Variants in RTF2 observed in about 807,000 individuals in gnomAD.
The protein encoded by RTF2 is UPF0549 protein C20orf43.
Under a neutral mutation model 38.0 loss-of-function variants are expected in RTF2, and 18 were observed. The ratio of observed to expected loss-of-function variants is 0.47; its 90% CI spans 0.33 to 0.70. The LOEUF (loss-of-function observed/expected upper bound fraction) is 0.70, where lower values mean the gene tolerates loss of function less well. RTF2 is among the 30% of genes least tolerant of loss of function. The pLI is 0.02. For synonymous variants in RTF2, 126 were observed against 137.1 expected, an observed-to-expected ratio of 0.92 and a Z score of 0.57; for missense variants, 311 against 379.6, an observed-to-expected ratio of 0.82 and a Z score of 1.50.
At chr20:56,484,299 C>T (rs887920530) in intron 5 of RTF2, 110 bp downstream of exon 5, 1 of 921,148 alleles carries the variant, frequency 1.1e-6, no homozygotes, top group African/African-American at 1.6e-5. Context: ...TCATAAGTTG[C>T]TTTTCTGCTT....
At chr20:56,486,265 C>G (rs1982788228) in intron 5 of RTF2, among the ~76,000 whole-genome samples, 1 of 152,162 alleles carries the variant, frequency 6.6e-6, no homozygotes, top group South Asian at 2.1e-4. Flanking sequence ...CAGGATCTAG[C>G]AAAACTGTTT....
intron 6 of RTF2, chr20:56,516,574 G>GT (rs1173961240): frequency 3.3e-6 from 1 of 303,932 alleles, no homozygotes; most frequent in Non-Finnish European, 6.1e-6. Context: ...TATACTCTGT[G>GT]TTACTCATTT....
At chr20:56,513,976 T>C (rs2146378364) in intron 6 of RTF2, 1 of 154,868 alleles carries the variant, frequency 6.5e-6, no homozygotes, top group South Asian at 2.0e-4. Flanking sequence ...TGGGTGCCTG[T>C]GCGTCTCACC....
intron 8 of RTF2, 72 bp downstream of exon 8, chr20:56,517,273 ACTGGAGTGGGTGG>A: frequency 8.2e-7 from 1 of 1,212,448 alleles, no homozygotes; most frequent in South Asian, 1.2e-5. Context: ...TCCAGGTTTC[ACTGGAGTGGGTGG>A]ATGGGAAGCC....
At chr20:56,469,247 G>A (rs1332899001) in intron 1 of RTF2, among the ~76,000 whole-genome samples, 2 of 152,196 alleles carry the variant, frequency 1.3e-5, no homozygotes, top group African/African-American at 4.8e-5. Flanking sequence ...GCCTGCACAC[G>A]GCTGTACGTG....
chr20:56,507,112 C>A (rs147124373), intron 5 of RTF2, among the ~76,000 whole-genome samples: 1 of 152,138 alleles, frequency 6.6e-6, no homozygotes, highest in South Asian at 2.1e-4. Context: ...CGTACAATAG[C>A]AGTACTCAAG....
intron 5 of RTF2, among the ~76,000 whole-genome samples, chr20:56,508,834 T>G (rs143991345): frequency 6.6e-6 from 1 of 152,138 alleles, no homozygotes; most frequent in Non-Finnish European, 1.5e-5. Context: ...GAAGAATGAA[T>G]TTGGACCCTT....
Position 56,518,437 on chromosome 20 carries a change from T to C in RTF2, c.*172T>C. 1.7e-6 allele frequency: 1 copy of C among 601,356 alleles called. No individual in the cohort carries two copies. Among genetic ancestry groups the C allele is most frequent in the African/African-American group, 1.9e-5 (1 of 53,130 alleles). The allele number at this position is 601,356 out of a possible 1,614,324, so 37.3% of individuals were successfully genotyped here. A position where few individuals can be genotyped will look rare whatever the true frequency, so the allele number is the denominator to read the frequency against. On this transcript the variant is annotated 3_prime_UTR_variant, in exon 9 of 9. Transcript: ENST00000357348. ...CCACTCTTGATGTGAGGCGTGTCGG[T>C]TCCAGGGGGGACATGGGAGGGGCTG...
intron 1 of RTF2, 141 bp from the exon 2 acceptor site, chr20:56,473,160 C>G (rs1982058340): frequency 2.1e-5 from 13 of 610,322 alleles, no homozygotes; most frequent in African/African-American, 3.8e-5. Context: ...ACCAAAAACC[C>G]AACTTCCTAT....
intron 5 of RTF2, among the ~76,000 whole-genome samples, chr20:56,511,475 AG>A (rs2146372738): frequency 6.6e-6 from 1 of 152,338 alleles, no homozygotes; most frequent in African/African-American, 2.4e-5. Flanking sequence ...GGTGCAAAAA[AG>A]GTTGGGAACT....
At chr20:56,472,382 C>T in intron 1 of RTF2, 2 of 1,546,896 alleles carry the variant, frequency 1.3e-6, no homozygotes, top group Non-Finnish European at 1.7e-6. Context: ...AAGGAAAAAA[C>T]AAGAACGGGA....
At chr20:56,509,175 C>G (rs996625752) in intron 5 of RTF2, among the ~76,000 whole-genome samples, 1 of 152,072 alleles carries the variant, frequency 6.6e-6, no homozygotes, top group African/African-American at 2.4e-5. Context: ...AGAAATGGAC[C>G]AGGGATTTAA....
In RTF2 at chr20:56,518,118, G is replaced by A. The variant is rs1985165615; in HGVS notation, c.774G>A (p.Gly258=). The change falls in exon 9 of 9, where the codon GGG becomes GGA. Residue 258 remains glycine (G), a synonymous_variant. Coordinates refer to ENST00000357348, the MANE Select transcript of RTF2 (RefSeq NM_016407.5). ...ATGAGAGCTCTTCTGGAAAAGCTGGGAAGCCTCCGTGTGGAGCCACAAAGA... is the reference window on the plus strand; with the variant it reads ...ATGAGAGCTCTTCTGGAAAAGCTGGAAAGCCTCCGTGTGGAGCCACAAAGA... The part of the protein sequence containing the change: ...AMNESSSGKA[G]KPPCGATKRS... The A allele has an allele frequency of 1.2e-6, 2 of 1,613,110 alleles. No homozygotes were observed. The highest frequency in any genetic ancestry group is 1.3e-5 in the African/African-American group (1 of 74,972).
intron 5 of RTF2, chr20:56,495,442 A>G: frequency 1.5e-6 from 1 of 679,260 alleles, no homozygotes; most frequent in South Asian, 1.8e-5. Flanking sequence ...CTTCCTTGAG[A>G]TGTTTCACTT....
intron 5 of RTF2, among the ~76,000 whole-genome samples, chr20:56,511,992 C>T (rs145035961): frequency 0.013 from 1,975 of 152,218 alleles, 56 homozygotes; most frequent in African/African-American, 0.046. Context: ...ACCACCACAC[C>T]CAGCACCACC....
intron 5 of RTF2, among the ~76,000 whole-genome samples, chr20:56,508,736 AT>A (rs1984440253): frequency 6.6e-6 from 1 of 152,216 alleles, no homozygotes; most frequent in African/African-American, 2.4e-5. Context: ...ATGGTCATTG[AT>A]TTTTGACAAA....
intron 5 of RTF2, among the ~76,000 whole-genome samples, chr20:56,508,890 A>C (rs1300861887): frequency 6.6e-6 from 1 of 152,246 alleles, no homozygotes; most frequent in Non-Finnish European, 1.5e-5. Flanking sequence ...TCACAGACCT[A>C]AATCTGTAAG....
chr20:56,510,967 T>C (rs1002597202), intron 5 of RTF2, among the ~76,000 whole-genome samples: 3 of 151,976 alleles, frequency 2.0e-5, no homozygotes, highest in Admixed American at 6.6e-5. Context: ...AAAAAAAGTT[T>C]ACATGACTAT....
At chr20:56,479,310 C>G (rs573321842) in intron 4 of RTF2, among the ~76,000 whole-genome samples, 43 of 151,666 alleles carry the variant, frequency 2.8e-4, no homozygotes, top group Non-Finnish European at 5.1e-4. Context: ...ACTGCAACCC[C>G]CACCTCCTGG....
Sources: allele counts gnomAD v4.1 joint callset (sites outside exome capture counted in the v4.1 genomes callset), GRCh38; gene constraint gnomAD v4.1.1; transcripts MANE v1.5; gene names NCBI Gene and HGNC (gene_info 2026-07-23, HGNC 2026-07-21).